Variants in MYO18A observed in about 807,000 individuals in gnomAD.
The protein encoded by MYO18A is myosin XVIIIA.
In MYO18A, 78 loss-of-function variants were observed where a neutral mutation model predicts 235.8. That is an observed-to-expected ratio of 0.33 (90% CI 0.28 to 0.40). The LOEUF (loss-of-function observed/expected upper bound fraction) is 0.40. Ranked by LOEUF, MYO18A falls within the 10% of genes least tolerant of loss-of-function variation. The pLI is 1.00. For missense variants in MYO18A, 2,215 were observed against 2,699.3 expected, an observed-to-expected ratio of 0.82 and a Z score of 3.98; for synonymous variants, 977 against 1,077.8, an observed-to-expected ratio of 0.91 and a Z score of 1.83.
At chr17:29,142,274 C>T (rs2067759620) in intron 2 of MYO18A, among the ~76,000 whole-genome samples, 1 of 152,230 alleles carries the variant, frequency 6.6e-6, no homozygotes, top group Non-Finnish European at 1.5e-5. Flanking sequence ...CCAGGTGATT[C>T]TCACATGCAG....
In MYO18A at chr17:29,073,694, G is replaced by GGTGGA. The variant is rs1173381715; in HGVS notation, c.*1075_*1076insTCCAC. ...CTCAGGGATAACCTTTTTAGGGTGG[G>GGTGGA]GGCTGGGACCTCCAGACCACATGGT... is the stretch of plus-strand genomic sequence containing the variant. On this transcript the variant is annotated 3_prime_UTR_variant, in exon 42 of 42. Coordinates refer to ENST00000527372, the MANE Select transcript of MYO18A (RefSeq NM_078471.4). 1.8e-4 allele frequency: 140 copies of GGTGGA among 782,140 alleles called. No homozygotes were observed. The African/African-American group carries it at 2.3e-3, about 13-fold the overall frequency. 48.5% of individuals were successfully genotyped at this position (782,140 alleles called of 1,614,324 possible).
intron 1 of MYO18A, among the ~76,000 whole-genome samples, chr17:29,170,910 C>T (rs1411831905): frequency 6.6e-6 from 1 of 152,158 alleles, no homozygotes; most frequent in Non-Finnish European, 1.5e-5. Flanking sequence ...TAAAGATACA[C>T]ACAATGGGGA....
chr17:29,170,779 G>T (rs1410901233), intron 1 of MYO18A, among the ~76,000 whole-genome samples: 1 of 152,202 alleles, frequency 6.6e-6, no homozygotes, highest in Non-Finnish European at 1.5e-5. Context: ...CTTTAAGAGA[G>T]TAAGCATCCC....
chr17:29,175,931 C>A (rs1419104610), intron 1 of MYO18A, among the ~76,000 whole-genome samples: 4 of 151,982 alleles, frequency 2.6e-5, no homozygotes, highest in Admixed American at 1.3e-4. Flanking sequence ...TGGTGGCGGG[C>A]GCCTGTAATC....
rs564761538 is a variant in MYO18A, at chr17:29,126,090, C to T, written c.1000-3837G>A. 3.0e-5 allele frequency: 9 copies of T among 301,616 alleles called. No homozygotes were observed. The highest frequency in any genetic ancestry group is 1.3e-4 in the South Asian group (1 of 7,742). The allele number at this position is 301,616 out of a possible 1,614,324, so 18.7% of individuals were successfully genotyped here. A position where few individuals can be genotyped will look rare whatever the true frequency, so the allele number is the denominator to read the frequency against. On this transcript the variant is annotated intron_variant, in intron 2 of 41. Coordinates refer to ENST00000527372, the MANE Select transcript of MYO18A (RefSeq NM_078471.4). This position sits in a 1 kb window ranked among gnomAD's most constrained non-coding sequence, Gnocchi z 4.1. ...GGGAGCAGCGCCAGGGAGCAAGCCGCGCGGCAATCTGAGTTTTTAAACCAT... is the reference window on the plus strand; with the variant it reads ...GGGAGCAGCGCCAGGGAGCAAGCCGTGCGGCAATCTGAGTTTTTAAACCAT...
In MYO18A at chr17:29,074,766, T is replaced by A. The variant is rs773123789; in HGVS notation, c.*4A>T. 10 of 1,613,782 alleles carry A rather than the reference T, an allele frequency of 6.2e-6. No individual in the cohort carries two copies. The South Asian group carries it at 1.1e-4, about 18-fold the overall frequency. On this transcript the variant is annotated 3_prime_UTR_variant, in exon 42 of 42. Transcript: ENST00000527372. This position sits in a 1 kb window ranked among gnomAD's most constrained non-coding sequence, Gnocchi z 4.4. ...GTGAGAGGGCTGCCAACCACTCCCC[T>A]GGGCTATGCGTTAGTCTCCGTCAGC...
At chr17:29,123,542 C>T (rs2067250432) in intron 2 of MYO18A, among the ~76,000 whole-genome samples, 1 of 152,240 alleles carries the variant, frequency 6.6e-6, no homozygotes, top group African/African-American at 2.4e-5. Context: ...CTCAGGTTGG[C>T]TTCTGGCTTT....
At chr17:29,082,841 C>A (rs960896421) in intron 40 of MYO18A, among the ~76,000 whole-genome samples, 13 of 152,200 alleles carry the variant, frequency 8.5e-5, no homozygotes, top group African/African-American at 3.1e-4. Flanking sequence ...TCTTGTCTGC[C>A]ATTCCTCAGA....
At chr17:29,172,833 G>A (rs748376523) in intron 1 of MYO18A, among the ~76,000 whole-genome samples, 1 of 152,196 alleles carries the variant, frequency 6.6e-6, no homozygotes, top group African/African-American at 2.4e-5. Context: ...GAGGGCCCAC[G>A]TAGCTAGTGC....
intron 2 of MYO18A, among the ~76,000 whole-genome samples, chr17:29,148,153 T>C (rs1277141739): frequency 1.3e-5 from 2 of 152,100 alleles, no homozygotes; most frequent in Non-Finnish European, 2.9e-5. Flanking sequence ...CAATGAGATA[T>C]ATATATCTTA....
At position 29,120,769 on chromosome 17, in the gene MYO18A, C is replaced by T. The variant is rs1186054036; in HGVS notation, c.1586-11G>A. The T allele has an allele frequency of 1.9e-6, 3 of 1,611,580 alleles. No homozygotes were observed. On this transcript the variant is annotated splice_polypyrimidine_tract_variant and intron_variant, in intron 6 of 41. Transcript: ENST00000527372. The surrounding 1 kb of genome is among the most constrained non-coding windows in gnomAD (Gnocchi z 4.2). ...CCTGCCACTTCTCCACTGCAGAATA[C>T]AGGCCCAAGGGGATATCAGGAAAGC...
Position 29,119,334 on chromosome 17 carries a change from C to T in MYO18A, c.1829+1G>A, listed in dbSNP as rs1157950975. ...CTTGTGTACCCTCTGACCCATCTCA[C>T]CTGAGGGTGCCATCCCCACAGGCCA... is the stretch of plus-strand genomic sequence containing the variant. On this transcript the variant is annotated splice_donor_variant, in intron 8 of 41. Coordinates refer to ENST00000527372, the MANE Select transcript of MYO18A (RefSeq NM_078471.4). LOFTEE classifies it high-confidence loss of function. 1 of 1,610,414 alleles carries T rather than the reference C, an allele frequency of 6.2e-7. No individual in the cohort carries two copies. Among genetic ancestry groups the T allele is most frequent in the Non-Finnish European group, 8.5e-7 (1 of 1,178,364 alleles).
At chr17:29,084,024 C>T (rs1004880680) in intron 40 of MYO18A, among the ~76,000 whole-genome samples, 3 of 152,154 alleles carry the variant, frequency 2.0e-5, no homozygotes, top group African/African-American at 4.8e-5. Context: ...CTAAGTAAAT[C>T]GAAACATTAT....
At chr17:29,144,843 G>A (rs1163591854) in intron 2 of MYO18A, among the ~76,000 whole-genome samples, 4 of 152,208 alleles carry the variant, frequency 2.6e-5, no homozygotes, top group South Asian at 2.1e-4. Flanking sequence ...AAGTCAGCAC[G>A]TAAGGCAAAA....
At chr17:29,092,252 G>T in intron 34 of MYO18A, 91 bp downstream of exon 34, 1 of 913,346 alleles carries the variant, frequency 1.1e-6, no homozygotes, top group Non-Finnish European at 1.7e-6. Context: ...TCCTGACGTG[G>T]AGGGACCTGT....
At chr17:29,134,439 A>G (rs2067546330) in intron 2 of MYO18A, among the ~76,000 whole-genome samples, 1 of 152,212 alleles carries the variant, frequency 6.6e-6, no homozygotes, top group African/African-American at 2.4e-5. Flanking sequence ...CTGTAGAATT[A>G]GGGGCTAGTC....
intron 26 of MYO18A, 86 bp downstream of exon 26, chr17:29,097,702 C>T (rs2066553346): frequency 1.7e-6 from 2 of 1,181,344 alleles, no homozygotes; most frequent in Non-Finnish European, 1.2e-6. Context: ...GGGAGACAGG[C>T]CTGGACAAGG....
rs986455877 is a variant in MYO18A, at chr17:29,115,087, G to A, written c.2331C>T (p.Ser777=). The stretch of plus-strand genomic sequence containing the variant: ...TCATGGAGCAGAGTGAGTGCTGGCT[G>A]GACTTGAGAGCCCTGGATAGGGACA... ...LVSLVNRALK[S]SQHSLCSMMI... The change falls in exon 14 of 42, where the codon TCC becomes TCT. Residue 777 remains serine, a synonymous_variant. Transcript: ENST00000527372. The A allele has an allele frequency of 1.1e-5, 18 of 1,612,644 alleles. No homozygotes were observed. In the East Asian group the frequency reaches 4.0e-4, roughly 36 times the overall value.
At chr17:29,142,944 A>T (rs371237605) in intron 2 of MYO18A, among the ~76,000 whole-genome samples, 2 of 152,190 alleles carry the variant, frequency 1.3e-5, no homozygotes, top group South Asian at 4.1e-4. Flanking sequence ...TGTAGCTGGG[A>T]TTACAGGCAG....
Sources: allele counts gnomAD v4.1 joint callset (sites outside exome capture counted in the v4.1 genomes callset), GRCh38; gene constraint gnomAD v4.1.1; non-coding constraint Gnocchi (gnomAD v3.1); transcripts MANE v1.5; gene names NCBI Gene and HGNC (gene_info 2026-07-23, HGNC 2026-07-21).